The following COL11A1 variants were observed in gnomAD, a reference collection of about 807,000 sequenced individuals.
COL11A1 encodes the protein collagen alpha-1(XI) chain.
Under a neutral mutation model 265.2 loss-of-function variants are expected in COL11A1, and 74 were observed. That is an observed-to-expected ratio of 0.28 (90% CI 0.23 to 0.34). COL11A1 has a LOEUF of 0.34. Ranked by LOEUF, COL11A1 falls within the 10% of genes least tolerant of loss-of-function variation. The probability of loss-of-function intolerance (pLI) is 1.00; values close to 1 mark genes in which losing one functional copy is unlikely to be tolerated. For synonymous variants in COL11A1, 816 were observed against 727.6 expected (o/e 1.12, Z -1.96); for missense variants, 2,165 against 2,263.6 (o/e 0.96, Z 0.88).
At chr1:103,081,844 T>G (rs1249798788) in intron 2 of COL11A1, among the ~76,000 whole-genome samples, 1 of 151,934 alleles carries the variant, frequency 6.6e-6, no homozygotes, top group Non-Finnish European at 1.5e-5. Flanking sequence ...ATATAAAATA[T>G]ATAGAGCAGA....
Position 102,921,526 on chromosome 1 carries a change from C to T in COL11A1, c.3700G>A (p.Gly1234Arg). 1 of 1,612,918 alleles carries T rather than the reference C, an allele frequency of 6.2e-7. No individual in the cohort carries two copies. The highest frequency in any genetic ancestry group is 8.5e-7 in the Non-Finnish European group (1 of 1,179,116). The stretch of plus-strand genomic sequence containing the variant: ...TATTTCAGAGTTCTTACATCAGCTC[C>T]ATTGGGACCTTGAGGGCCTCTTGGG... ...PGPRGPQGPN[G>R]ADGPQGPPGS... is the part of the protein sequence containing the mutation. The change falls in exon 48 of 67, where the codon GGA becomes AGA. Residue 1234 changes from glycine (G) to arginine (R), a missense_variant. Gly to Arg is a moderately radical substitution (Grantham distance 125). Transcript: ENST00000370096.
At position 102,914,821 on chromosome 1, in the gene COL11A1, G is replaced by GT. The variant is rs2101033263; in HGVS notation, c.3817-11dup. ...TTTCTCCTTTGGGACCCTAAACAATGTTAAAAAAAAAAAAAGAAGAAGAAG... is the reference window on the plus strand; with the variant it reads ...TTTCTCCTTTGGGACCCTAAACAATGTTTAAAAAAAAAAAAAGAAGAAGAAG... On this transcript the variant is annotated splice_polypyrimidine_tract_variant and intron_variant, in intron 50 of 66. Transcript: ENST00000370096. 2 of 1,251,760 alleles carry GT rather than the reference G, an allele frequency of 1.6e-6. No individual in the cohort carries two copies. Among genetic ancestry groups the GT allele is most frequent in the Non-Finnish European group, 2.2e-6 (2 of 906,430 alleles). The allele number at this position is 1,251,760 out of a possible 1,614,324, so 77.5% of individuals were successfully genotyped here. A position where few individuals can be genotyped will look rare whatever the true frequency, so the allele number is the denominator to read the frequency against.
intron 54 of COL11A1, among the ~76,000 whole-genome samples, chr1:102,908,867 A>G (rs1654311408): frequency 6.6e-6 from 1 of 152,136 alleles, no homozygotes; most frequent in Admixed American, 6.6e-5. Flanking sequence ...CAGGGGAGTT[A>G]ACAATGTTGT....
Position 102,940,297 on chromosome 1 carries a change from G to T in COL11A1, c.3384+30C>A, listed in dbSNP as rs1330757416. The T allele has an allele frequency of 2.6e-6, 4 of 1,540,558 alleles. No individual in the cohort carries two copies. In the South Asian group the frequency reaches 4.5e-5, roughly 17 times the overall value. ...TGACAAAAATTAAGCTTTTTCACAG[G>T]ATCTACTAACACGAATAATGAATAC... On this transcript the variant is annotated intron_variant, in intron 43 of 66. Transcript: ENST00000370096.
At chr1:103,102,736 T>A (rs1674381053) in intron 1 of COL11A1, among the ~76,000 whole-genome samples, 1 of 152,076 alleles carries the variant, frequency 6.6e-6, no homozygotes, top group Non-Finnish European at 1.5e-5. Context: ...TTAAACTCCA[T>A]ATTTACATAA....
chr1:102,922,634 C>A lies in COL11A1; in HGVS notation c.3654+702G>T, dbSNP rs566572992. On this transcript the variant is annotated intron_variant, in intron 47 of 66. Coordinates refer to ENST00000370096, the MANE Select transcript of COL11A1 (RefSeq NM_001854.4). ...CAGGATGGTCTCGATCTCCTGACAT[C>A]GTGATCCGCCCGCCTCGGCCTCCCA... Among the ~76,000 whole-genome samples, 213 of 152,200 alleles carry A rather than the reference C, an allele frequency of 1.4e-3. 1 individual carries two copies. The highest frequency in any genetic ancestry group is 4.9e-3 in the African/African-American group (205 of 41,540).
At position 103,006,268 on chromosome 1, in the gene COL11A1, T is replaced by C; in HGVS notation, c.1731A>G (p.Gly577=). 1 of 1,608,782 alleles carries C rather than the reference T, an allele frequency of 6.2e-7. No homozygotes were observed. The highest frequency in any genetic ancestry group is 8.5e-7 in the Non-Finnish European group (1 of 1,177,364). The change falls in exon 16 of 67, where the codon GGA becomes GGG. Residue 577 remains glycine (G), a synonymous_variant. Coordinates refer to ENST00000370096, the MANE Select transcript of COL11A1 (RefSeq NM_001854.4). ...CAATGAAAATAAGCCATACCCTTTT[T>C]CCAGGTTTTCCCGTTGGACCAGGGG... The part of the protein sequence containing the change: ...QGPPGPTGKP[G]KRGRPGADGG...
chr1:102,901,046 A>C (rs1653124634), intron 54 of COL11A1, among the ~76,000 whole-genome samples: 2 of 152,106 alleles, frequency 1.3e-5, no homozygotes, highest in Admixed American at 1.3e-4. Context: ...GCAGCCAGGC[A>C]CAGCAGTTCA....
chr1:102,921,257 A>G (rs1048646975), intron 48 of COL11A1, among the ~76,000 whole-genome samples: 3 of 152,218 alleles, frequency 2.0e-5, no homozygotes, highest in African/African-American at 7.2e-5. Context: ...TATACACAAC[A>G]TTATAACATT....
chr1:103,102,915 AATCAAAATTTTCCTCCCT>A (rs1469201619), intron 1 of COL11A1, among the ~76,000 whole-genome samples: 1 of 151,990 alleles, frequency 6.6e-6, no homozygotes, highest in African/African-American at 2.4e-5. Context: ...TGAGATAGAA[AATCAAAATTTTCCTCCCT>A]TACATCCCTG....
At chr1:103,021,290 A>C in intron 9 of COL11A1, among the ~76,000 whole-genome samples, 1 of 152,132 alleles carries the variant, frequency 6.6e-6, no homozygotes, top group South Asian at 2.1e-4. Context: ...TGTAACAAAT[A>C]TATGTTATAT....
At chr1:102,996,588 T>A (rs892361239) in intron 26 of COL11A1, among the ~76,000 whole-genome samples, 3 of 151,854 alleles carry the variant, frequency 2.0e-5, no homozygotes, top group Non-Finnish European at 4.4e-5. Context: ...AATGCTGTTT[T>A]AAAATAATTA....
chr1:102,929,082 G>T (rs957813524), intron 46 of COL11A1, among the ~76,000 whole-genome samples: 8 of 146,602 alleles, frequency 5.5e-5, no homozygotes, highest in Non-Finnish European at 1.2e-4. Context: ...CTGTGCAGAA[G>T]CTCTTTAGTT....
intron 49 of COL11A1, among the ~76,000 whole-genome samples, chr1:102,918,451 CTTCA>C (rs1490610913): frequency 6.6e-6 from 1 of 151,594 alleles, no homozygotes; most frequent in Non-Finnish European, 1.5e-5. Flanking sequence ...TTTTTTTATT[CTTCA>C]TTGTCAGTGA....
chr1:102,950,541 A>T lies in COL11A1; in HGVS notation c.3169-3585T>A, dbSNP rs563270153. On this transcript the variant is annotated intron_variant, in intron 41 of 66. Coordinates refer to ENST00000370096, the MANE Select transcript of COL11A1 (RefSeq NM_001854.4). ...AAAATATTCAACTCACATTCTTAGA[A>T]TTTTTTTTTTACTTTATATCTTAGC... is the stretch of plus-strand genomic sequence containing the variant. Among the ~76,000 whole-genome samples the T allele has an allele frequency of 5.3e-5, 8 of 149,996 alleles. No homozygotes were observed. The East Asian group carries it at 1.2e-3, about 22-fold the overall frequency.
At chr1:102,962,586 G>C (rs1661022017) in intron 39 of COL11A1, 67 bp downstream of exon 39, 4 of 1,305,298 alleles carry the variant, frequency 3.1e-6, no homozygotes, top group Non-Finnish European at 4.4e-6. Context: ...CTGTAGACAA[G>C]GGGTGAGTAT....
At chr1:102,917,385 C>A (rs1655462050) in intron 49 of COL11A1, among the ~76,000 whole-genome samples, 1 of 151,776 alleles carries the variant, frequency 6.6e-6, no homozygotes, top group South Asian at 2.1e-4. Context: ...TATAAAAATA[C>A]TAAAAGAAAA....
chr1:103,051,560 G>T (rs1002311832), intron 4 of COL11A1, among the ~76,000 whole-genome samples: 1 of 152,172 alleles, frequency 6.6e-6, no homozygotes, highest in Non-Finnish European at 1.5e-5. Context: ...CCCGGGTAAG[G>T]TGATGCCTCG....
intron 4 of COL11A1, among the ~76,000 whole-genome samples, chr1:103,051,410 G>T (rs112363485): frequency 2.0e-5 from 3 of 152,168 alleles, no homozygotes; most frequent in African/African-American, 4.8e-5. Flanking sequence ...AGCCATGTGC[G>T]GGATATAATC....
Sources: allele counts gnomAD v4.1 joint callset (sites outside exome capture counted in the v4.1 genomes callset), GRCh38; gene constraint gnomAD v4.1.1; transcripts MANE v1.5; gene names NCBI Gene and HGNC (gene_info 2026-07-23, HGNC 2026-07-21).